Variants in TRPC4AP observed in about 807,000 individuals in gnomAD.
The protein encoded by TRPC4AP is transient receptor potential cation channel subfamily C member 4 associated protein.
In TRPC4AP, 45 loss-of-function variants were observed where a neutral mutation model predicts 99.0. That is an observed-to-expected ratio of 0.45 (90% CI 0.36 to 0.58). The LOEUF (loss-of-function observed/expected upper bound fraction) is 0.58, where lower values mean the gene tolerates loss of function less well. Ranked by LOEUF, TRPC4AP falls within the 20% of genes least tolerant of loss-of-function variation. The pLI, the probability that TRPC4AP is intolerant of heterozygous loss-of-function variation, is 0.00. For synonymous variants in TRPC4AP, 408 were observed against 385.8 expected, an observed-to-expected ratio of 1.06 and a Z score of -0.67; for missense variants, 879 against 985.3, an observed-to-expected ratio of 0.89 and a Z score of 1.44.
chr20:35,015,652 C>CG (rs1569087009), intron 10 of TRPC4AP, among the ~76,000 whole-genome samples: 2 of 150,998 alleles, frequency 1.3e-5, no homozygotes. Context: ...TAGTGAGAGA[C>CG]GCAAGTGTCT....
At chr20:35,004,279 C>T (rs1433348008) in intron 17 of TRPC4AP, among the ~76,000 whole-genome samples, 179 bp downstream of exon 17, 1 of 152,192 alleles carries the variant, frequency 6.6e-6, no homozygotes, top group Non-Finnish European at 1.5e-5. Context: ...TGCGAGCCCT[C>T]CTTCCTTAGG....
intron 7 of TRPC4AP, among the ~76,000 whole-genome samples, chr20:35,042,392 A>G (rs2083462842): frequency 6.6e-6 from 1 of 152,212 alleles, no homozygotes; most frequent in Admixed American, 6.5e-5. Flanking sequence ...GCAGGTTCAT[A>G]TTCAGCCTCA....
chr20:35,022,599 G>A (rs529074639), intron 8 of TRPC4AP, among the ~76,000 whole-genome samples: 2 of 152,214 alleles, frequency 1.3e-5, no homozygotes, highest in East Asian at 1.9e-4. Flanking sequence ...GTTCCTACAG[G>A]AACTGCTTCC....
intron 3 of TRPC4AP, among the ~76,000 whole-genome samples, chr20:35,066,794 T>C (rs980480410): frequency 2.0e-5 from 3 of 152,056 alleles, no homozygotes; most frequent in African/African-American, 4.8e-5. Context: ...CAAAATTTAA[T>C]TCTCAAAATA....
At chr20:35,038,173 A>T (rs183880851) in intron 7 of TRPC4AP, among the ~76,000 whole-genome samples, 2 of 150,886 alleles carry the variant, frequency 1.3e-5, no homozygotes, top group Admixed American at 1.3e-4. Flanking sequence ...CTGTAAATGT[A>T]CTAAATGCCG....
At chr20:35,044,416 G>T in intron 7 of TRPC4AP, 89 bp downstream of exon 7, 66 of 914,220 alleles carry the variant, frequency 7.2e-5, no homozygotes, top group Non-Finnish European at 9.6e-5. Context: ...AAAAAAAAAA[G>T]AAAAGAAAAG....
In TRPC4AP at chr20:35,049,989, C is replaced by G. The variant is rs2083656123; in HGVS notation, c.534G>C (p.Glu178Asp). Residue 178 changes from glutamate to aspartate, a missense_variant, in exon 6 of 19, where the codon GAG (glutamate) becomes GAC (aspartate). Glu to Asp is a conservative substitution (Grantham distance 45, BLOSUM62 2). This residue lies in a region of TRPC4AP where 603 missense variants were observed against 631.8 expected (regional missense o/e 0.95). Coordinates refer to ENST00000252015, the MANE Select transcript of TRPC4AP (RefSeq NM_015638.3). ...SILYNTCVCTEGVTKRLAEKN... is the reference protein window; with the variant it reads ...SILYNTCVCTDGVTKRLAEKN... ...TTTCTGCCAAACGCTTTGTAACTCC[C>G]TCTGTCTGTCACAAGAAGAAAAGGC... 3 of 1,613,236 alleles carry G rather than the reference C, an allele frequency of 1.9e-6. No individual in the cohort carries two copies. Among genetic ancestry groups the G allele is most frequent in the African/African-American group, 2.7e-5 (2 of 74,994 alleles).
At position 35,069,324 on chromosome 20, in the gene TRPC4AP, T is replaced by G. The variant is rs772018976; in HGVS notation, c.386A>C (p.Tyr129Ser). 1 of 1,607,810 alleles carries G rather than the reference T, an allele frequency of 6.2e-7. No individual in the cohort carries two copies. Among genetic ancestry groups the G allele is most frequent in the South Asian group, 1.1e-5 (1 of 90,860 alleles). ...AACACCTCCAAACAAGTCAAAAATGTAAGTATTTGGATAAGTGGTTTCTTG... is the reference window on the plus strand; with the variant it reads ...AACACCTCCAAACAAGTCAAAAATGGAAGTATTTGGATAAGTGGTTTCTTG... ...LTQETTYPNT[Y>S]IFDLFGGVDL... is the part of the protein sequence containing the mutation. The change falls in exon 3 of 19, where the codon TAC becomes TCC. Residue 129 changes from tyrosine to serine, a missense_variant. By Grantham distance (144) the Tyr-to-Ser change is moderately radical. Around this residue, in one of 3 missense-constraint regions of TRPC4AP, gnomAD observed 603 missense variants for 631.8 expected, o/e 0.95. Transcript: ENST00000252015.
At chr20:35,070,176 G>A (rs1372001536) in intron 2 of TRPC4AP, among the ~76,000 whole-genome samples, 7 of 152,146 alleles carry the variant, frequency 4.6e-5, no homozygotes. Context: ...ATGAAGCAGA[G>A]GAGCCACTCA....
At chr20:35,071,140 A>T (rs2084303326) in intron 2 of TRPC4AP, among the ~76,000 whole-genome samples, 1 of 152,196 alleles carries the variant, frequency 6.6e-6, no homozygotes, top group Non-Finnish European at 1.5e-5. Context: ...AAACGTAAAG[A>T]CTAAGTTTAA....
intron 5 of TRPC4AP, among the ~76,000 whole-genome samples, chr20:35,050,360 C>T (rs902991093): frequency 1.3e-5 from 2 of 150,540 alleles, no homozygotes; most frequent in Non-Finnish European, 2.9e-5. Context: ...CTGTGTGATC[C>T]TGAGCAAATC....
intron 1 of TRPC4AP, among the ~76,000 whole-genome samples, chr20:35,090,101 C>CAA (rs11478429): frequency 7.6e-6 from 1 of 131,706 alleles, no homozygotes; most frequent in Non-Finnish European, 1.6e-5. Flanking sequence ...GATTCTGTCT[C>CAA]AAAAAAAAAA....
chr20:35,003,080 G>A lies in TRPC4AP; in HGVS notation c.*66C>T, dbSNP rs2082427357. 6.3e-7 allele frequency: 1 copy of A among 1,593,680 alleles called. No homozygotes were observed. Among genetic ancestry groups the A allele is most frequent in the East Asian group, 2.2e-5 (1 of 44,716 alleles). On this transcript the variant is annotated 3_prime_UTR_variant, in exon 19 of 19. Coordinates refer to ENST00000252015, the MANE Select transcript of TRPC4AP (RefSeq NM_015638.3). Reference sequence around the variant, plus strand: ...GCAGGGAGGAACGGGAACAGGGCAGGGCGTGTGGCATCGTACCCACGCTCA... The same window carrying A: ...GCAGGGAGGAACGGGAACAGGGCAGAGCGTGTGGCATCGTACCCACGCTCA...
At position 35,002,630 on chromosome 20, in the gene TRPC4AP, G is replaced by A; in HGVS notation, c.*516C>T. 1 of 174,024 alleles carries A rather than the reference G, an allele frequency of 5.7e-6. No individual in the cohort carries two copies. The highest frequency in any genetic ancestry group is 5.8e-5 in the Admixed American group (1 of 17,238). The allele number at this position is 174,024 out of a possible 1,614,324, so 10.8% of individuals were successfully genotyped here. On this transcript the variant is annotated 3_prime_UTR_variant, in exon 19 of 19. Coordinates refer to ENST00000252015, the MANE Select transcript of TRPC4AP (RefSeq NM_015638.3). ...GAACACAGCGGCCAATGAGCAAACA[G>A]AACCAGAGGAGCTACAGGAAAATGA...
chr20:35,011,163 G>C (rs569505705), intron 11 of TRPC4AP, among the ~76,000 whole-genome samples: 1 of 152,196 alleles, frequency 6.6e-6, no homozygotes, highest in South Asian at 2.1e-4. Context: ...AGGAGGCTGA[G>C]GTAGAATTGC....
Position 35,006,474 on chromosome 20 carries a change from T to C in TRPC4AP, c.1788A>G (p.Ala596=), listed in dbSNP as rs11552600. ...LGELMKFNVD[A]FKRFNKYINT... ...TGATATATTTATTGAATCTCTTGAA[T>C]GCATCAACGTTGAACTTCATCAGCT... The change falls in exon 15 of 19, where the codon GCA becomes GCG. Residue 596 remains alanine (A), a synonymous_variant. Transcript: ENST00000252015. 4.3e-6 allele frequency: 7 copies of C among 1,614,114 alleles called. No individual in the cohort carries two copies. In the East Asian group the frequency reaches 1.1e-4, roughly 26 times the overall value.
At chr20:35,047,242 G>T (rs1353185831) in intron 6 of TRPC4AP, among the ~76,000 whole-genome samples, 5 of 152,170 alleles carry the variant, frequency 3.3e-5, no homozygotes, top group African/African-American at 1.2e-4. Flanking sequence ...CTAGCTGTGT[G>T]TGCCTTTCCT....
At chr20:35,046,253 G>A (rs2083560153) in intron 6 of TRPC4AP, among the ~76,000 whole-genome samples, 1 of 151,946 alleles carries the variant, frequency 6.6e-6, no homozygotes, top group Non-Finnish European at 1.5e-5. Context: ...CTTTTATTAA[G>A]AATGATAATT....
chr20:35,024,374 T>C (rs765048318), intron 8 of TRPC4AP, among the ~76,000 whole-genome samples: 2 of 152,206 alleles, frequency 1.3e-5, no homozygotes, highest in Non-Finnish European at 2.9e-5. Context: ...CTCTATGCAA[T>C]TGCCTGTTCA....
Sources: gnomAD v4.1 joint callset for allele counts (sites outside exome capture counted in the v4.1 genomes callset) on GRCh38, gnomAD v4.1.1 for gene constraint, gnomAD v4.1.1 regional missense constraint, MANE v1.5 for transcripts, NCBI Gene and HGNC (gene_info 2026-07-23, HGNC 2026-07-21) for gene names.